The following OR1B1 variants were observed in gnomAD, a reference collection of about 807,000 sequenced individuals.
OR1B1 encodes olfactory receptor family 1 subfamily B member 1.
For missense variants in OR1B1, 414 were observed against 402.1 expected (o/e 1.03, Z -0.25); for synonymous variants, 168 against 156.2 (o/e 1.08, Z -0.57).
At chr9:122,654,311 C>T in the OR1B1 span, among the ~76,000 whole-genome samples, 3 of 152,132 alleles carry the variant, frequency 2.0e-5, no homozygotes, top group Non-Finnish European at 4.4e-5. Context: ...CTTTCCTGAA[C>T]CACAACTTGG....
chr9:122,629,596 G>A (rs17649473), upstream of OR1B1: 59,249 of 1,010,958 alleles, frequency 0.059, 2,084 homozygotes, highest in Middle Eastern at 0.13. Context: ...TGGGTCTGAT[G>A]TTAGGGATCA....
At chr9:122,655,436 G>A in the OR1B1 span, among the ~76,000 whole-genome samples, 1 of 151,942 alleles carries the variant, frequency 6.6e-6, no homozygotes, top group Non-Finnish European at 1.5e-5. Flanking sequence ...CAACCCAGAC[G>A]CCCATCAACG....
At chr9:122,644,512 C>T in the OR1B1 span, among the ~76,000 whole-genome samples, 1 of 152,332 alleles carries the variant, frequency 6.6e-6, no homozygotes. Context: ...CATATCTAGA[C>T]ATGCATGGGC....
the OR1B1 span, among the ~76,000 whole-genome samples, chr9:122,648,783 C>T: frequency 5.3e-5 from 8 of 152,268 alleles, no homozygotes; most frequent in East Asian, 1.9e-4. Context: ...ATTCCATGCT[C>T]GTGGATAGGA....
chr9:122,643,849 T>C, the OR1B1 span, among the ~76,000 whole-genome samples: 1 of 152,234 alleles, frequency 6.6e-6, no homozygotes, highest in South Asian at 2.1e-4. Flanking sequence ...TGGGATGACA[T>C]ATCCTTGGCC....
At chr9:122,653,067 G>A in the OR1B1 span, among the ~76,000 whole-genome samples, 1 of 152,176 alleles carries the variant, frequency 6.6e-6, no homozygotes, top group African/African-American at 2.4e-5. Context: ...ATCAGCCCAA[G>A]ATAAACAGAC....
chr9:122,650,012 A>T, the OR1B1 span, among the ~76,000 whole-genome samples: 1 of 152,194 alleles, frequency 6.6e-6, no homozygotes, highest in Non-Finnish European at 1.5e-5. Flanking sequence ...GTCCATCAAT[A>T]ATAGACTGGA....
the OR1B1 span, among the ~76,000 whole-genome samples, chr9:122,648,266 A>G: frequency 0.032 from 4,859 of 152,310 alleles, 260 homozygotes; most frequent in African/African-American, 0.11. Flanking sequence ...ACGCAAATCA[A>G]TAAATGTAAT....
downstream of OR1B1, among the ~76,000 whole-genome samples, chr9:122,628,381 A>C (rs1830160552): frequency 6.6e-6 from 1 of 152,190 alleles, no homozygotes; most frequent in Non-Finnish European, 1.5e-5. Context: ...AGGTATGCTG[A>C]TAAGGGAGCC....
the OR1B1 span, among the ~76,000 whole-genome samples, chr9:122,646,044 G>A: frequency 6.6e-6 from 1 of 151,948 alleles, no homozygotes; most frequent in African/African-American, 2.4e-5. Flanking sequence ...TAAAAGCGAG[G>A]GGAAAAGTTA....
the OR1B1 span, among the ~76,000 whole-genome samples, chr9:122,649,776 C>A: frequency 1.3e-5 from 2 of 152,118 alleles, no homozygotes; most frequent in African/African-American, 4.8e-5. Context: ...TGTGGAGAAA[C>A]AGGAACTCTT....
chr9:122,629,501 G>A lies in OR1B1; in HGVS notation c.35C>T (p.Pro12Leu), dbSNP rs543380400. Residue 12 changes from proline to leucine, a missense_variant, in exon 1 of 1, where the codon CCG becomes CTG. By Grantham distance (98) the Pro-to-Leu change is moderately conservative (BLOSUM62 -3). Transcript: ENST00000623530. ...CGAGAACCCAAGGAGCAAAAAAACC[G>A]GAGAGTGTGAAGCATTAGGGGCAAA... The A allele has an allele frequency of 2.7e-5, 43 of 1,593,794 alleles. No individual in the cohort carries two copies. Among genetic ancestry groups the A allele is most frequent in the South Asian group, 2.6e-4 (23 of 88,934 alleles).
the OR1B1 span, among the ~76,000 whole-genome samples, chr9:122,652,845 CTT>C: frequency 6.6e-6 from 1 of 152,162 alleles, no homozygotes; most frequent in South Asian, 2.1e-4. Flanking sequence ...AGGGGAATAA[CTT>C]TCATCTCTTG....
the OR1B1 span, among the ~76,000 whole-genome samples, chr9:122,648,998 CTATAT>C: frequency 3.3e-5 from 5 of 152,262 alleles, no homozygotes; most frequent in Admixed American, 6.5e-5. Flanking sequence ...TGACTTCAAA[CTATAT>C]TATAAGACTA....
At chr9:122,631,196 A>G (rs1435097953), upstream of OR1B1, among the ~76,000 whole-genome samples, 2 of 148,294 alleles carry the variant, frequency 1.3e-5, no homozygotes, top group Admixed American at 1.3e-4. Context: ...TTTTTTTTTG[A>G]GACGGAATCT....
chr9:122,629,060 A>G, exon 1 of OR1B1: 2 of 1,613,792 alleles, frequency 1.2e-6, no homozygotes, highest in Non-Finnish European at 1.7e-6. Flanking sequence ...CACACGCAAC[A>G]TGGTGTGCAG....
At chr9:122,653,460 A>C in the OR1B1 span, among the ~76,000 whole-genome samples, 1 of 152,214 alleles carries the variant, frequency 6.6e-6, no homozygotes, top group Admixed American at 6.5e-5. Flanking sequence ...TGCTACTATT[A>C]AATAAGTTTT....
At chr9:122,654,458 TG>T in the OR1B1 span, among the ~76,000 whole-genome samples, 2 of 152,228 alleles carry the variant, frequency 1.3e-5, no homozygotes, top group Admixed American at 1.3e-4. Context: ...TCTAACCAGA[TG>T]GGGTCCATTT....
chr9:122,629,411 A>G (rs1050946754), exon 1 of OR1B1: 5 of 1,613,998 alleles, frequency 3.1e-6, no homozygotes, highest in Non-Finnish European at 4.2e-6. Flanking sequence ...CACATTCCCC[A>G]GTATGGTGGT....
Sources: gnomAD v4.1 joint callset for allele counts (sites outside exome capture counted in the v4.1 genomes callset) on GRCh38, gnomAD v4.1.1 for gene constraint, MANE v1.5 for transcripts, NCBI Gene and HGNC (gene_info 2026-07-23, HGNC 2026-07-21) for gene names.